STRIP2: variants seen among roughly 807,000 people sequenced by gnomAD.
STRIP2 encodes striatin-interacting protein 2.
In STRIP2, 84 loss-of-function variants were observed where a neutral mutation model predicts 107.1. The observed-to-expected ratio is 0.78, with a 90% CI of 0.66 to 0.94. The LOEUF (loss-of-function observed/expected upper bound fraction) is 0.94, where lower values mean the gene tolerates loss of function less well. Among genes scored for constraint, STRIP2 ranks in the 40% least tolerant of loss-of-function variants. The probability of loss-of-function intolerance (pLI) is 0.00; values close to 1 mark genes in which losing one functional copy is unlikely to be tolerated. For missense variants in STRIP2, 888 were observed against 1,034.2 expected (o/e 0.86, Z 1.94); for synonymous variants, 394 against 400.4 (o/e 0.98, Z 0.19).
In STRIP2 at chr7:129,461,542, T is replaced by C. The variant is rs1272178555; in HGVS notation, c.1476+1170T>C. On this transcript the variant is annotated intron_variant, in intron 13 of 20. Coordinates refer to ENST00000249344, the MANE Select transcript of STRIP2 (RefSeq NM_020704.3). The surrounding 1 kb of genome is among the most constrained non-coding windows in gnomAD (Gnocchi z 4.0). ...GCTGGAAATCCAGGAGATTATGATATCATCATAAAAGCTAAGAAAGTCTTT... is the reference window on the plus strand; with the variant it reads ...GCTGGAAATCCAGGAGATTATGATACCATCATAAAAGCTAAGAAAGTCTTT... 1.2e-4 allele frequency among the ~76,000 whole-genome samples: 18 copies of C among 151,476 alleles called. No homozygotes were observed. Among genetic ancestry groups the C allele is most frequent in the Non-Finnish European group, 1.5e-5 (1 of 67,746 alleles).
chr7:129,486,485 T>A lies in STRIP2; in HGVS notation c.*656T>A, dbSNP rs1799246050. 1 of 153,462 alleles carries A rather than the reference T, an allele frequency of 6.5e-6. No homozygotes were observed. The highest frequency in any genetic ancestry group is 1.9e-4 in the East Asian group (1 of 5,204). The allele number at this position is 153,462 out of a possible 1,614,324, so 9.5% of individuals were successfully genotyped here. Reference sequence around the variant, plus strand: ...TCAATGTGAAAATTATTTCCTTGTGTACTCTGTATAGGGCATGGAATGCTC... The same window carrying A: ...TCAATGTGAAAATTATTTCCTTGTGAACTCTGTATAGGGCATGGAATGCTC... On this transcript the variant is annotated 3_prime_UTR_variant, in exon 21 of 21. Coordinates refer to ENST00000249344, the MANE Select transcript of STRIP2 (RefSeq NM_020704.3).
chr7:129,465,366 C>T (rs1010119987), intron 16 of STRIP2, among the ~76,000 whole-genome samples: 13 of 152,092 alleles, frequency 8.5e-5, no homozygotes, highest in South Asian at 8.3e-4. Flanking sequence ...GCATTTCAAG[C>T]AGAAAAGCTA....
chr7:129,436,496 A>C (rs1797743309), intron 1 of STRIP2, among the ~76,000 whole-genome samples: 1 of 152,106 alleles, frequency 6.6e-6, no homozygotes, highest in Non-Finnish European at 1.5e-5. Context: ...TGCACTCTTC[A>C]TGCCTGGAAA....
intron 11 of STRIP2, 109 bp from the exon 12 acceptor site, chr7:129,459,408 G>A (rs1798463827): frequency 4.4e-6 from 4 of 905,466 alleles, no homozygotes; most frequent in South Asian, 1.4e-5. Flanking sequence ...GGTACTGGGG[G>A]TAGATGTTGT....
At chr7:129,439,032 A>T (rs1283118522) in intron 1 of STRIP2, among the ~76,000 whole-genome samples, 1 of 152,144 alleles carries the variant, frequency 6.6e-6, no homozygotes, top group Non-Finnish European at 1.5e-5. Flanking sequence ...TTACCTAGAC[A>T]TAATTAAACT....
chr7:129,467,882 C>G (rs1798708496), intron 17 of STRIP2, among the ~76,000 whole-genome samples: 1 of 152,094 alleles, frequency 6.6e-6, no homozygotes, highest in South Asian at 2.1e-4. Flanking sequence ...ATCGAATTTA[C>G]TGAGGTACAT....
At chr7:129,439,618 A>C (rs1263523282) in intron 1 of STRIP2, among the ~76,000 whole-genome samples, 1 of 152,180 alleles carries the variant, frequency 6.6e-6, no homozygotes, top group Non-Finnish European at 1.5e-5. Context: ...CTTGATCTAT[A>C]TCATACAGTG....
intron 15 of STRIP2, 87 bp from the exon 16 acceptor site, chr7:129,464,525 A>G (rs1798623327): frequency 6.9e-7 from 1 of 1,448,180 alleles, no homozygotes; most frequent in Admixed American, 1.8e-5. Context: ...TCTCTTGTGT[A>G]TATTGTATCA....
chr7:129,448,837 A>G (rs1287322317), intron 3 of STRIP2, among the ~76,000 whole-genome samples: 2 of 152,226 alleles, frequency 1.3e-5, no homozygotes, highest in African/African-American at 4.8e-5. Flanking sequence ...TAGCTCTGGC[A>G]TAAGGAGAAA....
At chr7:129,484,092 A>G (rs140912188) in intron 20 of STRIP2, among the ~76,000 whole-genome samples, 136 of 152,318 alleles carry the variant, frequency 8.9e-4, no homozygotes, top group Admixed American at 1.7e-3. Flanking sequence ...CTAATTGAAG[A>G]ACTAGGCCAG....
chr7:129,440,800 A>G (rs1454946229), intron 2 of STRIP2, among the ~76,000 whole-genome samples: 1 of 152,152 alleles, frequency 6.6e-6, no homozygotes, highest in Non-Finnish European at 1.5e-5. Context: ...TTATTAATAA[A>G]CAAGCTTTGG....
At chr7:129,467,565 C>A in intron 17 of STRIP2, 115 bp downstream of exon 17, 1 of 605,266 alleles carries the variant, frequency 1.7e-6, no homozygotes. Context: ...TGTCTTAGAG[C>A]TGTCACTGTT....
chr7:129,468,059 G>A (rs1798711699), intron 17 of STRIP2, among the ~76,000 whole-genome samples: 1 of 152,038 alleles, frequency 6.6e-6, no homozygotes. Flanking sequence ...AGCATCAGAG[G>A]CAGGATCAGA....
chr7:129,488,130 C>T lies in STRIP2; in HGVS notation c.*2301C>T, dbSNP rs962973650. 4 of 152,186 alleles carry T rather than the reference C, an allele frequency of 2.6e-5. No individual in the cohort carries two copies. Among genetic ancestry groups the T allele is most frequent in the African/African-American group, 9.7e-5 (4 of 41,428 alleles). The allele number at this position is 152,186 out of a possible 1,614,324, so 9.4% of individuals were successfully genotyped here. On this transcript the variant is annotated 3_prime_UTR_variant, in exon 21 of 21. Coordinates refer to ENST00000249344, the MANE Select transcript of STRIP2 (RefSeq NM_020704.3). ...GCAGTGAGCCGAGATCATGCCACTG[C>T]ACTCCATCCTGGGCAACAAGAACGA...
chr7:129,450,324 C>T (rs977559273), intron 3 of STRIP2, among the ~76,000 whole-genome samples: 1 of 152,116 alleles, frequency 6.6e-6, no homozygotes. Flanking sequence ...TGTAGCCTTT[C>T]CTTCTTGCTT....
rs114558163 is a variant in STRIP2, at chr7:129,438,891, G to A, written c.130-1131G>A. 1.6e-3 allele frequency among the ~76,000 whole-genome samples: 241 copies of A among 152,280 alleles called. 1 individual carries two copies. Among genetic ancestry groups the A allele is most frequent in the African/African-American group, 5.7e-3 (237 of 41,558 alleles). On this transcript the variant is annotated intron_variant, in intron 1 of 20. Transcript: ENST00000249344. Reference sequence around the variant, plus strand: ...GCTAAATGGAAGAGATGCGAAGGACGAAGTATGGGTTTGGGGTGATGCAGA... The same window carrying A: ...GCTAAATGGAAGAGATGCGAAGGACAAAGTATGGGTTTGGGGTGATGCAGA...
chr7:129,463,142 G>C, intron 14 of STRIP2, 102 bp downstream of exon 14: 1 of 979,510 alleles, frequency 1.0e-6, no homozygotes, highest in Non-Finnish European at 1.5e-6. Context: ...CTTGTTTCCT[G>C]AGCCTTTGCC....
intron 1 of STRIP2, among the ~76,000 whole-genome samples, chr7:129,437,936 G>T (rs1305824721): frequency 2.0e-5 from 3 of 151,846 alleles, no homozygotes; most frequent in Non-Finnish European, 2.9e-5. Context: ...CTCCCGAGTA[G>T]CTGGGACTAC....
At chr7:129,455,114 G>T in intron 7 of STRIP2, 130 bp from the exon 8 acceptor site, 1 of 1,180,258 alleles carries the variant, frequency 8.5e-7, no homozygotes, top group Admixed American at 2.6e-5. Context: ...CTCCTTCTCA[G>T]GACCAAGTAC....
Sources: allele counts gnomAD v4.1 joint callset (sites outside exome capture counted in the v4.1 genomes callset), GRCh38; gene constraint gnomAD v4.1.1; non-coding constraint Gnocchi (gnomAD v3.1); transcripts MANE v1.5; gene names NCBI Gene and HGNC (gene_info 2026-07-23, HGNC 2026-07-21).